The following STAC variants were observed in gnomAD, a reference collection of about 807,000 sequenced individuals.
STAC encodes SH3 and cysteine-rich domain-containing protein.
In STAC, 43 loss-of-function variants were observed where a neutral mutation model predicts 48.8. That is an observed-to-expected ratio of 0.88 (90% confidence interval 0.69 to 1.14). The LOEUF is 1.14. STAC is among the 50% of genes most tolerant of loss of function. STAC has a pLI of 0.00. For synonymous variants in STAC, 193 were observed against 179.5 expected, an observed-to-expected ratio of 1.07 and a Z score of -0.60; for missense variants, 497 against 504.0, an observed-to-expected ratio of 0.99 and a Z score of 0.13.
chr3:36,485,429 C>A (rs1326388389), intron 4 of STAC, among the ~76,000 whole-genome samples: 1 of 152,152 alleles, frequency 6.6e-6, no homozygotes, highest in Non-Finnish European at 1.5e-5. Flanking sequence ...ACCTGTCAAC[C>A]CCCACAAAAT....
At chr3:36,386,258 A>G (rs937909879) in intron 1 of STAC, among the ~76,000 whole-genome samples, 1 of 151,740 alleles carries the variant, frequency 6.6e-6, no homozygotes, top group African/African-American at 2.4e-5. Flanking sequence ...TGTTTATGGC[A>G]TTTGATGTCT....
chr3:36,450,352 T>A (rs1696641836), intron 2 of STAC, among the ~76,000 whole-genome samples: 1 of 152,156 alleles, frequency 6.6e-6, no homozygotes, highest in South Asian at 2.1e-4. Context: ...TAAAAGTCAC[T>A]CCCAAGTATA....
chr3:36,418,343 C>T (rs991281280), intron 1 of STAC, among the ~76,000 whole-genome samples: 8 of 151,966 alleles, frequency 5.3e-5, no homozygotes, highest in African/African-American at 9.7e-5. Flanking sequence ...TTTTTTAATA[C>T]CCTGAAACAG....
intron 8 of STAC, among the ~76,000 whole-genome samples, chr3:36,517,520 G>A (rs1356166361): frequency 6.6e-6 from 1 of 152,086 alleles, no homozygotes; most frequent in Admixed American, 6.6e-5. Flanking sequence ...CAAGCATGGT[G>A]GTGCATACCT....
chr3:36,398,414 GGGAAGGAAGGAAGGAAGGAAGGAA>G (rs761355414), intron 1 of STAC, among the ~76,000 whole-genome samples: 3,565 of 35,658 alleles, frequency 0.1, 194 homozygotes, highest in Middle Eastern at 0.13. Flanking sequence ...GAAAGAGAGA[GGGAAGGAAGGAAGGAAGGAAGGAA>G]GGAAGGAAGG....
At chr3:36,393,854 C>T (rs904707070) in intron 1 of STAC, among the ~76,000 whole-genome samples, 7 of 151,974 alleles carry the variant, frequency 4.6e-5, no homozygotes, top group African/African-American at 1.7e-4. Flanking sequence ...CTTATTACAA[C>T]AGCTCAAACT....
At chr3:36,402,633 A>G (rs1340017664) in intron 1 of STAC, among the ~76,000 whole-genome samples, 1 of 152,208 alleles carries the variant, frequency 6.6e-6, no homozygotes. Context: ...AGATAATTCT[A>G]GACTTCAAAA....
intron 1 of STAC, among the ~76,000 whole-genome samples, chr3:36,396,983 G>A (rs142502745): frequency 1.3e-3 from 196 of 152,232 alleles, no homozygotes; most frequent in African/African-American, 3.9e-3. Context: ...GCTAATTTGC[G>A]TTTGTAGTGG....
intron 10 of STAC, among the ~76,000 whole-genome samples, chr3:36,532,149 A>G (rs1180383492): frequency 2.0e-5 from 3 of 152,108 alleles, no homozygotes; most frequent in African/African-American, 7.2e-5. Context: ...GCTATATCGA[A>G]TTACATTATC....
chr3:36,472,206 C>T (rs995914745), intron 2 of STAC, among the ~76,000 whole-genome samples: 1 of 152,240 alleles, frequency 6.6e-6, no homozygotes, highest in Admixed American at 6.5e-5. Context: ...AACCACAGCC[C>T]AAGCTCTACA....
chr3:36,533,473 ATGTTTTT>A (rs1383623358), intron 10 of STAC, among the ~76,000 whole-genome samples: 2 of 73,758 alleles, frequency 2.7e-5, no homozygotes, highest in Admixed American at 2.1e-4. Flanking sequence ...TCTTGCTAGC[ATGTTTTT>A]TTTTTTTTTT....
At chr3:36,447,262 C>T (rs1696532867) in intron 2 of STAC, among the ~76,000 whole-genome samples, 1 of 151,816 alleles carries the variant, frequency 6.6e-6, no homozygotes, top group African/African-American at 2.4e-5. Flanking sequence ...AGGACAGCTC[C>T]CTGGAAAAAA....
intron 6 of STAC, among the ~76,000 whole-genome samples, chr3:36,495,714 A>C (rs1480118489): frequency 1.3e-5 from 2 of 152,270 alleles, no homozygotes; most frequent in Admixed American, 6.5e-5. Flanking sequence ...ATTTTAAAAT[A>C]GGAAGGGCTA....
intron 2 of STAC, among the ~76,000 whole-genome samples, chr3:36,475,900 T>C (rs1364163029): frequency 6.6e-6 from 1 of 152,212 alleles, no homozygotes; most frequent in Non-Finnish European, 1.5e-5. Flanking sequence ...GTATCTGGCC[T>C]GCACTTCAGG....
Position 36,546,092 on chromosome 3 carries a change from G to A in STAC, c.1111-99G>A, listed in dbSNP as rs953740731. ...ACTGCTCTCCCTTTTCCAGTTTGTT[G>A]CTCCTGCAACCTCAGTCAGCAGGGA... On this transcript the variant is annotated intron_variant, in intron 10 of 10. Coordinates refer to ENST00000273183, the MANE Select transcript of STAC (RefSeq NM_003149.3). 11 of 924,428 alleles carry A rather than the reference G, an allele frequency of 1.2e-5. 1 individual carries two copies. The African/African-American group carries it at 1.5e-4, about 13-fold the overall frequency. 57.3% of individuals were successfully genotyped at this position (924,428 alleles called of 1,614,324 possible).
At chr3:36,426,532 A>G (rs1477817145) in intron 1 of STAC, among the ~76,000 whole-genome samples, 1 of 152,258 alleles carries the variant, frequency 6.6e-6, no homozygotes, top group African/African-American at 2.4e-5. Flanking sequence ...GAAATACACA[A>G]AGTATTCTGC....
chr3:36,493,039 G>T (rs1238759776), intron 5 of STAC, 112 bp from the exon 6 acceptor site: 5 of 943,894 alleles, frequency 5.3e-6, no homozygotes, highest in Non-Finnish European at 8.0e-6. Context: ...GCAATCACTG[G>T]GTCCTTATGT....
intron 8 of STAC, among the ~76,000 whole-genome samples, chr3:36,512,484 TAG>T (rs1366744050): frequency 6.6e-6 from 1 of 152,160 alleles, no homozygotes; most frequent in Non-Finnish European, 1.5e-5. Context: ...CTTTCTATTA[TAG>T]AGATCCTACA....
chr3:36,454,135 A>C (rs973493098), intron 2 of STAC, among the ~76,000 whole-genome samples: 4 of 152,178 alleles, frequency 2.6e-5, no homozygotes, highest in Admixed American at 6.5e-5. Flanking sequence ...AGCCAGCAGT[A>C]GCAACCCGCT....
Sources: allele counts gnomAD v4.1 joint callset (sites outside exome capture counted in the v4.1 genomes callset), GRCh38; gene constraint gnomAD v4.1.1; transcripts MANE v1.5; gene names NCBI Gene and HGNC (gene_info 2026-07-23, HGNC 2026-07-21).